Variants in DDAH1 observed in about 807,000 individuals in gnomAD.
DDAH1 encodes the protein dimethylarginine dimethylaminohydrolase 1.
Under a neutral mutation model 28.8 loss-of-function variants are expected in DDAH1, and 19 were observed. That is an observed-to-expected ratio of 0.66 (90% CI 0.46 to 0.97). The LOEUF is 0.97. Ranked by LOEUF, DDAH1 falls within the 50% of genes least tolerant of loss-of-function variation. The pLI is 0.00. For synonymous variants in DDAH1, 153 were observed against 154.4 expected, an observed-to-expected ratio of 0.99 and a Z score of 0.07; for missense variants, 326 against 375.9, an observed-to-expected ratio of 0.87 and a Z score of 1.10.
At chr1:85,341,305 C>G (rs1005744948) in intron 4 of DDAH1, among the ~76,000 whole-genome samples, 27 of 152,120 alleles carry the variant, frequency 1.8e-4, no homozygotes, top group African/African-American at 6.3e-4. Context: ...TTTTAAAAGT[C>G]TTTTTGCAGA....
intron 1 of DDAH1, among the ~76,000 whole-genome samples, chr1:85,569,293 A>C (rs888282288): frequency 3.3e-5 from 5 of 152,196 alleles, no homozygotes; most frequent in Non-Finnish European, 5.9e-5. Context: ...CAGTCTGCCC[A>C]TTCTTTTCCC....
At chr1:85,327,641 G>A (rs1313794198) in intron 4 of DDAH1, among the ~76,000 whole-genome samples, 2 of 152,188 alleles carry the variant, frequency 1.3e-5, no homozygotes, top group African/African-American at 4.8e-5. Flanking sequence ...TGGGTCTGAA[G>A]CCTTGCTCAG....
intron 2 of DDAH1, among the ~76,000 whole-genome samples, chr1:85,472,465 A>G (rs139896513): frequency 2.5e-4 from 37 of 149,932 alleles, no homozygotes; most frequent in Non-Finnish European, 4.9e-4. Flanking sequence ...TCTCTTATTA[A>G]TCTTCCTTTT....
rs370260194 is a variant in DDAH1, at chr1:85,538,637, A to G, written c.-123+39347T>C. 4.8e-3 allele frequency among the ~76,000 whole-genome samples: 727 copies of G among 152,340 alleles called. 5 individuals carry two copies. The highest frequency in any genetic ancestry group is 0.017 in the African/African-American group (694 of 41,586). On this transcript the variant is annotated intron_variant, in intron 1 of 6. Coordinates refer to the DDAH1 transcript ENST00000426972. Reference sequence around the variant, plus strand: ...TCACAGGCAAGAGAGGGAAAAAAAAAAGAACAACTCAAAGCTACTAAAGCA... The same window carrying G: ...TCACAGGCAAGAGAGGGAAAAAAAAGAGAACAACTCAAAGCTACTAAAGCA...
upstream of DDAH1, among the ~76,000 whole-genome samples, chr1:85,468,079 T>C (rs955016525): frequency 2.6e-5 from 4 of 152,190 alleles, no homozygotes; most frequent in African/African-American, 9.7e-5. Context: ...ATGAGAATTC[T>C]AAGGGAAAGG....
chr1:85,521,227 C>T (rs1181228316), intron 1 of DDAH1, among the ~76,000 whole-genome samples: 1 of 151,586 alleles, frequency 6.6e-6, no homozygotes, highest in Non-Finnish European at 1.5e-5. Flanking sequence ...TGCAGACAGC[C>T]ACAACCACTG....
chr1:85,332,937 C>T (rs1647868534), intron 4 of DDAH1, among the ~76,000 whole-genome samples: 1 of 152,174 alleles, frequency 6.6e-6, no homozygotes, highest in South Asian at 2.1e-4. Flanking sequence ...TCAGTGAGTG[C>T]CCATGGGGAG....
chr1:85,491,476 T>C (rs569396782), intron 2 of DDAH1, among the ~76,000 whole-genome samples: 2 of 152,296 alleles, frequency 1.3e-5, no homozygotes, highest in East Asian at 1.9e-4. Context: ...GAGATCATAG[T>C]TGCTAGGATT....
intron 2 of DDAH1, among the ~76,000 whole-genome samples, chr1:85,490,980 G>A (rs11161623): frequency 0.47 from 71,042 of 150,988 alleles, 17,566 homozygotes; most frequent in East Asian, 0.61. Flanking sequence ...CATTGAAGGT[G>A]AAGGTTATGA....
intron 1 of DDAH1, among the ~76,000 whole-genome samples, chr1:85,574,674 T>C (rs140203421): frequency 6.6e-6 from 1 of 152,336 alleles, no homozygotes; most frequent in African/African-American, 2.4e-5. Context: ...CACCAGTACC[T>C]AGCACTATGC....
At position 85,476,170 on chromosome 1, in the gene DDAH1, G is replaced by C. The variant is rs193128689; in HGVS notation, c.-7+19996C>G. 2.2e-3 allele frequency among the ~76,000 whole-genome samples: 329 copies of C among 152,278 alleles called. 1 individual carries two copies. The highest frequency in any genetic ancestry group is 7.3e-3 in the African/African-American group (304 of 41,566). On this transcript the variant is annotated intron_variant, in intron 2 of 6. Coordinates refer to the DDAH1 transcript ENST00000426972. ...AGCCACCATGTCCAGCCTCAAGATA[G>C]TTGTTACACGCTTCTTTATTTTGCC...
chr1:85,558,179 T>C (rs1200218845), intron 1 of DDAH1, among the ~76,000 whole-genome samples: 1 of 151,898 alleles, frequency 6.6e-6, no homozygotes, highest in Non-Finnish European at 1.5e-5. Flanking sequence ...CTGGCCAACA[T>C]GATGAAACCT....
At chr1:85,573,067 A>T (rs975044474) in intron 1 of DDAH1, among the ~76,000 whole-genome samples, 8 of 152,266 alleles carry the variant, frequency 5.3e-5, no homozygotes, top group Non-Finnish European at 7.3e-5. Context: ...GGTGCTTGGC[A>T]GTAGGAATAA....
chr1:85,568,113 TC>T (rs1423955949), intron 1 of DDAH1, among the ~76,000 whole-genome samples: 2 of 152,172 alleles, frequency 1.3e-5, no homozygotes, highest in African/African-American at 4.8e-5. Flanking sequence ...AATTAGAAAG[TC>T]TTTTAAACAG....
At chr1:85,402,544 T>C (rs555769505) in intron 1 of DDAH1, among the ~76,000 whole-genome samples, 32 of 152,364 alleles carry the variant, frequency 2.1e-4, no homozygotes, top group African/African-American at 7.0e-4. Context: ...AATACTAAGA[T>C]ATAAAAATGC....
At chr1:85,440,190 A>C (rs969970733) in intron 1 of DDAH1, among the ~76,000 whole-genome samples, 1 of 152,254 alleles carries the variant, frequency 6.6e-6, no homozygotes, top group African/African-American at 2.4e-5. Flanking sequence ...AACAGCATAA[A>C]AAGAAAAACA....
intron 1 of DDAH1, among the ~76,000 whole-genome samples, chr1:85,366,160 C>A (rs1301490250): frequency 6.6e-6 from 1 of 151,198 alleles, no homozygotes; most frequent in Non-Finnish European, 1.5e-5. Context: ...CAAAAATGGT[C>A]AACAGAACTG....
At chr1:85,381,275 G>A (rs1382465671) in intron 1 of DDAH1, among the ~76,000 whole-genome samples, 1 of 150,702 alleles carries the variant, frequency 6.6e-6, no homozygotes, top group Non-Finnish European at 1.5e-5. Flanking sequence ...ATTCTAGGTT[G>A]GCAAGTGTTT....
chr1:85,417,962 T>C (rs942946301), intron 1 of DDAH1, among the ~76,000 whole-genome samples: 41 of 152,388 alleles, frequency 2.7e-4, no homozygotes, highest in African/African-American at 9.6e-4. Flanking sequence ...TACTAACGAT[T>C]ACAAATCATA....
Sources: allele counts gnomAD v4.1 joint callset (sites outside exome capture counted in the v4.1 genomes callset), GRCh38; gene constraint gnomAD v4.1.1; transcripts MANE v1.5; gene names NCBI Gene and HGNC (gene_info 2026-07-23, HGNC 2026-07-21).